Variants in R3HDML observed in about 807,000 individuals in gnomAD.
The protein encoded by R3HDML is peptidase inhibitor R3HDML.
R3HDML carries 21 observed loss-of-function variants against 24.2 expected under a neutral mutation model. That is an observed-to-expected ratio of 0.87 (90% CI 0.62 to 1.25). The LOEUF (loss-of-function observed/expected upper bound fraction) is 1.25, where lower values mean the gene tolerates loss of function less well. Ranked by LOEUF, R3HDML falls within the 50% of genes most tolerant of loss-of-function variation. The pLI, the probability that R3HDML is intolerant of heterozygous loss-of-function variation, is 0.00. For missense variants in R3HDML, 301 were observed against 340.3 expected (o/e 0.88, Z 0.91); for synonymous variants, 133 against 131.5 (o/e 1.01, Z -0.08).
rs1428987914 is a variant in R3HDML, at chr20:44,345,829, C to CTTTCTTTTTTTTTTTTTTTTT, written c.629+454_629+455insCTTTTTTTTTTTTTTTTTTTT. On this transcript the variant is annotated intron_variant, in intron 4 of 4. Transcript: ENST00000217043. ...TAATCCATTTTTTCTTTCTTTCTTT[C>CTTTCTTTTTTTTTTTTTTTTT]TTTTTTTTGAGAAGAGGCCTTGCTC... is the stretch of plus-strand genomic sequence containing the variant. Among the ~76,000 whole-genome samples, 38 of 147,840 alleles carry CTTTCTTTTTTTTTTTTTTTTT rather than the reference C, an allele frequency of 2.6e-4. 1 individual carries two copies. Among genetic ancestry groups the CTTTCTTTTTTTTTTTTTTTTT allele is most frequent in the Admixed American group, 4.1e-4 (6 of 14,798 alleles).
chr20:44,345,159 T>C (rs1205167912), intron 3 of R3HDML, 104 bp from the exon 4 acceptor site: 1 of 849,824 alleles, frequency 1.2e-6, no homozygotes, highest in Non-Finnish European at 2.0e-6. Context: ...ACAGGCAGAC[T>C]GTCTCTCCCA....
chr20:44,339,190 G>A (rs1191075212), intron 1 of R3HDML, among the ~76,000 whole-genome samples: 1 of 151,778 alleles, frequency 6.6e-6, no homozygotes, highest in East Asian at 1.9e-4. Flanking sequence ...CAACTCGACA[G>A]CCTTTGCCCT....
intron 3 of R3HDML, among the ~76,000 whole-genome samples, chr20:44,344,280 C>CAA (rs577772886): frequency 2.6e-5 from 3 of 114,598 alleles, no homozygotes; most frequent in Admixed American, 9.2e-5. Context: ...GACTCCGTCT[C>CAA]AAAAAAAAAA....
At position 44,344,923 on chromosome 20, in the gene R3HDML, C is replaced by T. The variant is rs1205288684; in HGVS notation, c.514-340C>T. ...ACTTCCTTCTCGCGACTGCACTTGA[C>T]TGAGTGCAGTATGAAATGAAAGAAA... On this transcript the variant is annotated intron_variant, in intron 3 of 4. Transcript: ENST00000217043. The T allele has an allele frequency of 1.6e-5, 4 of 256,316 alleles. No individual in the cohort carries two copies. The South Asian group carries it at 2.2e-4, about 14-fold the overall frequency. The allele number at this position is 256,316 out of a possible 1,614,324, so 15.9% of individuals were successfully genotyped here. A position where few individuals can be genotyped will look rare whatever the true frequency, so the allele number is the denominator to read the frequency against.
chr20:44,340,894 G>T (rs190970735), intron 1 of R3HDML, among the ~76,000 whole-genome samples: 8 of 152,278 alleles, frequency 5.3e-5, no homozygotes, highest in Non-Finnish European at 1.2e-4. Flanking sequence ...CATCCTTCTG[G>T]GTTCAGTCAC....
intron 4 of R3HDML, among the ~76,000 whole-genome samples, chr20:44,350,338 A>AC (rs138605485): frequency 0.028 from 4,227 of 151,378 alleles, 196 homozygotes; most frequent in African/African-American, 0.098. Flanking sequence ...GTATAGGGAG[A>AC]CCCCCCATCT....
rs754293306 is a variant in R3HDML, at chr20:44,345,359, G to A, written c.610G>A (p.Val204Ile). The stretch of plus-strand genomic sequence containing the variant: ...CACCTGGCATCGGGCGGCATACCTG[G>A]TCTGCAACTATGCCATTAAGTAAGT... The part of the protein sequence containing the change: ...GNTWHRAAYL[V>I]CNYAIKGNWI... Residue 204 changes from valine to isoleucine, a missense_variant, in exon 4 of 5, where the codon GTC (valine) becomes ATC (isoleucine). Coordinates refer to ENST00000217043, the MANE Select transcript of R3HDML (RefSeq NM_178491.4). 9 of 1,613,628 alleles carry A rather than the reference G, an allele frequency of 5.6e-6. No homozygotes were observed. The highest frequency in any genetic ancestry group is 7.6e-6 in the Non-Finnish European group (9 of 1,179,734).
chr20:44,344,280 CAAA>C (rs577772886), intron 3 of R3HDML, among the ~76,000 whole-genome samples: 11 of 114,578 alleles, frequency 9.6e-5, no homozygotes, highest in East Asian at 2.6e-4. Context: ...GACTCCGTCT[CAAA>C]AAAAAAAAAA....
intron 4 of R3HDML, among the ~76,000 whole-genome samples, chr20:44,346,694 G>A (rs2146113080): frequency 6.6e-6 from 1 of 152,312 alleles, no homozygotes; most frequent in Non-Finnish European, 1.5e-5. Flanking sequence ...GCTCCCTGCA[G>A]GCAGGCAGAT....
intron 3 of R3HDML, 137 bp downstream of exon 3, chr20:44,343,646 G>T: frequency 1.1e-6 from 1 of 910,922 alleles, no homozygotes. Context: ...GCATATTCCT[G>T]GAAAGTTGTG....
chr20:44,338,426 A>G (rs1004378637), intron 1 of R3HDML, among the ~76,000 whole-genome samples: 6 of 152,340 alleles, frequency 3.9e-5, no homozygotes, highest in Non-Finnish European at 7.3e-5. Context: ...ATTAATGTAC[A>G]TAAGATAACG....
In R3HDML at chr20:44,350,732, C is replaced by T. The variant is rs2062808528; in HGVS notation, c.702C>T (p.Gly234=). The T allele has an allele frequency of 6.2e-7, 1 of 1,614,092 alleles. No individual in the cohort carries two copies. Among genetic ancestry groups the T allele is most frequent in the East Asian group, 2.2e-5 (1 of 44,866 alleles). The change falls in exon 5 of 5, where the codon GGC becomes GGT. Residue 234 remains glycine, a synonymous_variant. Transcript: ENST00000217043. ...PCSSCPPSYQ[G]SCNSNMCFKG... ...CCTCCTGTCCCCCCAGTTATCAAGG[C>T]AGCTGCAATAGCAACATGTGCTTCA...
intron 4 of R3HDML, 25 bp downstream of exon 4, chr20:44,345,403 A>G (rs747149585): frequency 7.0e-5 from 109 of 1,565,954 alleles, no homozygotes; most frequent in Middle Eastern, 3.4e-4. Flanking sequence ...CAAGGCAAAG[A>G]GGGCCCTGGG....
At position 44,337,788 on chromosome 20, in the gene R3HDML, GCACCATCACAACTGTAACCAT is replaced by G. The variant is rs917092692; in HGVS notation, c.261+374_261+394del. Reference sequence around the variant, plus strand: ...ATCCAGGTCTGCCTGCTGCCACCTGGCACCATCACAACTGTAACCATCACAATCCCCTACCCAAGAATTTTG... The same window carrying G: ...ATCCAGGTCTGCCTGCTGCCACCTGGCACAATCCCCTACCCAAGAATTTTG... On this transcript the variant is annotated intron_variant, in intron 1 of 4. Transcript: ENST00000217043. The surrounding 1 kb of genome is among the most constrained non-coding windows in gnomAD (Gnocchi z 4.7). 1.3e-5 allele frequency among the ~76,000 whole-genome samples: 2 copies of G among 152,164 alleles called. No individual in the cohort carries two copies. The highest frequency in any genetic ancestry group is 2.4e-5 in the African/African-American group (1 of 41,436).
intron 4 of R3HDML, among the ~76,000 whole-genome samples, chr20:44,348,763 C>T (rs1056666406): frequency 1.2e-4 from 18 of 152,158 alleles, no homozygotes; most frequent in African/African-American, 3.6e-4. Flanking sequence ...ATCTGCCCAC[C>T]TCAGTCTCCC....
At chr20:44,345,460 C>A in intron 4 of R3HDML, 82 bp downstream of exon 4, 1 of 942,368 alleles carries the variant, frequency 1.1e-6, no homozygotes, top group Non-Finnish European at 1.6e-6. Context: ...CGCTCCATAT[C>A]CCTTCTTCAT....
rs757151450 is a variant in R3HDML, at chr20:44,343,369, C to T, written c.381-8C>T. The T allele has an allele frequency of 6.2e-7, 1 of 1,606,986 alleles. No individual in the cohort carries two copies. The highest frequency in any genetic ancestry group is 2.3e-5 in the East Asian group (1 of 44,276). The stretch of plus-strand genomic sequence containing the variant: ...ACCCAGCTTCTTCCGTGTCCCCCGC[C>T]TCCCCAGGTACCGGTCCGTAGTGGA... On this transcript the variant is annotated splice_polypyrimidine_tract_variant and splice_region_variant and intron_variant, in intron 2 of 4. Coordinates refer to ENST00000217043, the MANE Select transcript of R3HDML (RefSeq NM_178491.4).
In R3HDML at chr20:44,341,204, CA is replaced by C. The variant is rs1173390874; in HGVS notation, c.272del (p.Lys91SerfsTer23). ...TGCCTTTCTTTCCCCAGGTCTGGGA[CA>C]AGCGGCTGGCCAGGGCTGCCGAAGC... ...AANMEYMVWD[K>X]RLARAAEAWA... On this transcript the variant is annotated frameshift_variant, in exon 2 of 5. Transcript: ENST00000217043. LOFTEE classifies it high-confidence loss of function. The C allele has an allele frequency of 1.9e-6, 3 of 1,612,146 alleles. No homozygotes were observed. Among genetic ancestry groups the C allele is most frequent in the Non-Finnish European group, 1.7e-6 (2 of 1,178,822 alleles).
rs2062810668 is a variant in R3HDML, at chr20:44,351,106, T to G, written c.*314T>G. 3.6e-6 allele frequency: 1 copy of G among 277,998 alleles called. No individual in the cohort carries two copies. The highest frequency in any genetic ancestry group is 6.7e-6 in the Non-Finnish European group (1 of 149,240). 17.2% of individuals were successfully genotyped at this position (277,998 alleles called of 1,614,324 possible). On this transcript the variant is annotated 3_prime_UTR_variant, in exon 5 of 5. Transcript: ENST00000217043. ...AGAACTGGCACCTTGGGACCAGGCA[T>G]AATGGCTCACACCTATAATCCCAGT... is the stretch of plus-strand genomic sequence containing the variant.
Sources: allele counts gnomAD v4.1 joint callset (sites outside exome capture counted in the v4.1 genomes callset), GRCh38; gene constraint gnomAD v4.1.1; non-coding constraint Gnocchi (gnomAD v3.1); transcripts MANE v1.5; gene names NCBI Gene and HGNC (gene_info 2026-07-23, HGNC 2026-07-21).